Variants in DMD observed in about 807,000 individuals in gnomAD.
DMD encodes dystrophin, also known as mutant dystrophin.
DMD carries 63 observed loss-of-function variants against 330.1 expected under a neutral mutation model. The ratio of observed to expected loss-of-function variants is 0.19; its 90% confidence interval spans 0.16 to 0.24. DMD has a LOEUF of 0.24. Among genes scored for constraint, DMD ranks in the 10% least tolerant of loss-of-function variants. DMD has a pLI of 1.00. For missense variants in DMD, 3,344 were observed against 2,684.1 expected (o/e 1.25, Z -5.43); for synonymous variants, 1,223 against 959.8 (o/e 1.27, Z -5.07).
chrX:33,044,357 G>A (rs887730861), intron 1 of DMD, among the ~76,000 whole-genome samples: 1 of 111,130 alleles, frequency 9.0e-6, no homozygotes. Context: ...ACTTGAACCC[G>A]GGAGGAGGAG....
chrX:31,219,895 T>A (rs1406692178), intron 64 of DMD, among the ~76,000 whole-genome samples: 1 of 108,405 alleles, frequency 9.2e-6, no homozygotes, highest in Non-Finnish European at 1.9e-5. Flanking sequence ...GACATTTCAG[T>A]CAACAATGGA....
intron 60 of DMD, among the ~76,000 whole-genome samples, chrX:31,437,672 T>C (rs2064633217): frequency 1.8e-5 from 2 of 110,465 alleles, no homozygotes; most frequent in Non-Finnish European, 3.8e-5. Flanking sequence ...GTTTGAATAA[T>C]CATAATAAAT....
Position 32,764,291 on chromosome X carries a change from A to G in DMD, c.649+45202T>C, listed in dbSNP as rs763750896. Among the ~76,000 whole-genome samples, 5 of 111,536 alleles carry G rather than the reference A, an allele frequency of 4.5e-5. No homozygotes were observed. In the South Asian group the frequency reaches 1.9e-3, roughly 41 times the overall value. On this transcript the variant is annotated intron_variant, in intron 7 of 78. Coordinates refer to ENST00000357033, the MANE Select transcript of DMD (RefSeq NM_004006.3). ...TTTACAAGAAAGCTTATAGGTTTTTATCATGGTAAAATATATATAACATAA... is the reference window on the plus strand; with the variant it reads ...TTTACAAGAAAGCTTATAGGTTTTTGTCATGGTAAAATATATATAACATAA...
At chrX:31,802,611 A>AC (rs2092120765) in intron 50 of DMD, among the ~76,000 whole-genome samples, 1 of 111,157 alleles carries the variant, frequency 9.0e-6, no homozygotes, top group Non-Finnish European at 1.9e-5. Context: ...TTTAAGAATG[A>AC]CCCCCAAGAT....
chrX:32,391,091 G>A (rs1191502082), intron 30 of DMD, among the ~76,000 whole-genome samples: 1 of 111,372 alleles, frequency 9.0e-6, no homozygotes, highest in Non-Finnish European at 1.9e-5. Flanking sequence ...TATAGGCAGG[G>A]ATCTCTGCAG....
intron 29 of DMD, among the ~76,000 whole-genome samples, chrX:32,420,857 T>G (rs1162911600): frequency 1.8e-5 from 2 of 111,638 alleles, no homozygotes; most frequent in Non-Finnish European, 3.8e-5. Flanking sequence ...CCTTGATAAC[T>G]AGAAATGGTG....
intron 1 of DMD, among the ~76,000 whole-genome samples, chrX:33,120,637 T>C (rs1238467231): frequency 3.6e-5 from 4 of 110,820 alleles, no homozygotes; most frequent in South Asian, 3.8e-4. Context: ...TCCCAGCACT[T>C]TGGGAGGCCG....
intron 1 of DMD, among the ~76,000 whole-genome samples, chrX:33,336,464 A>G (rs764706780): frequency 1.8e-5 from 2 of 110,644 alleles, no homozygotes; most frequent in East Asian, 5.7e-4. Context: ...CAGCTACTCT[A>G]GCTCATGTGG....
At chrX:33,038,162 C>T (rs567718636) in intron 1 of DMD, among the ~76,000 whole-genome samples, 114 of 111,826 alleles carry the variant, frequency 1.0e-3, no homozygotes, top group African/African-American at 3.4e-3. Context: ...TTCAATATCC[C>T]CATGGTTTGC....
rs1346073997 is a variant in DMD, at chrX:31,801,594, C to G, written c.7309+18381G>C. Among the ~76,000 whole-genome samples the G allele has an allele frequency of 1.3e-4, 9 of 68,033 alleles. No homozygotes were observed. In the East Asian group the frequency reaches 5.5e-3, roughly 42 times the overall value. The allele number at this position is 68,033 out of a possible 115,157, so 59.1% of individuals were successfully genotyped here. ...AAGTGTCCTCATCCCCCCCCCCCAA[C>G]ACACACACAATAGTAACTATTTCTT... On this transcript the variant is annotated intron_variant, in intron 50 of 78. Coordinates refer to ENST00000357033, the MANE Select transcript of DMD (RefSeq NM_004006.3).
At chrX:31,411,008 C>T (rs1250743363) in intron 60 of DMD, among the ~76,000 whole-genome samples, 1 of 106,374 alleles carries the variant, frequency 9.4e-6, no homozygotes, top group Non-Finnish European at 1.9e-5. Flanking sequence ...TCAAGTGATC[C>T]CCCTGCTTCG....
At chrX:32,485,866 C>G (rs977802881) in intron 20 of DMD, among the ~76,000 whole-genome samples, 6 of 105,326 alleles carry the variant, frequency 5.7e-5, no homozygotes, top group Non-Finnish European at 7.8e-5. Context: ...GCCTCAGCCT[C>G]CTGAGTAGCT....
chrX:31,553,553 T>C (rs1232153032), intron 55 of DMD, among the ~76,000 whole-genome samples: 1 of 112,562 alleles, frequency 8.9e-6, no homozygotes, highest in Non-Finnish European at 1.9e-5. Flanking sequence ...GAAAGACTTT[T>C]ACAGGCCATT....
intron 26 of DMD, among the ~76,000 whole-genome samples, chrX:32,451,419 G>C (rs1777631253): frequency 9.1e-6 from 1 of 110,270 alleles, no homozygotes; most frequent in Non-Finnish European, 1.9e-5. Flanking sequence ...AATAAAACCA[G>C]TTAATAACTT....
chrX:32,606,747 A>G (rs1429870833), intron 12 of DMD, among the ~76,000 whole-genome samples: 1 of 107,225 alleles, frequency 9.3e-6, no homozygotes, highest in African/African-American at 3.3e-5. Flanking sequence ...ATATATACAC[A>G]CACACATACA....
intron 1 of DMD, among the ~76,000 whole-genome samples, chrX:33,038,721 C>T (rs995061289): frequency 4.5e-5 from 5 of 112,159 alleles, no homozygotes; most frequent in East Asian, 2.8e-4. Flanking sequence ...TGGCTGGGCA[C>T]GGTGACTCAC....
intron 63 of DMD, 110 bp downstream of exon 63, chrX:31,260,845 G>A (rs1188743409): frequency 1.4e-6 from 1 of 715,771 alleles, no homozygotes; most frequent in Non-Finnish European, 2.1e-6. Context: ...TTTCACCCTT[G>A]AAACAATCTA....
In DMD at chrX:33,148,072, A is replaced by T. The variant is rs776477946; in HGVS notation, c.31+63210T>A. Among the ~76,000 whole-genome samples, 5 of 112,061 alleles carry T rather than the reference A, an allele frequency of 4.5e-5. No individual in the cohort carries two copies. In the East Asian group the frequency reaches 1.4e-3, roughly 31 times the overall value. ...AAATCCTTTATAGATATTCAGATGA[A>T]TCTCTCTACCAGAAATGAAGAAGGA... On this transcript the variant is annotated intron_variant, in intron 1 of 78. Transcript: ENST00000357033.
intron 7 of DMD, among the ~76,000 whole-genome samples, chrX:32,722,950 T>A (rs573796349): frequency 6.9e-4 from 76 of 110,892 alleles, no homozygotes; most frequent in South Asian, 1.5e-3. Flanking sequence ...CTGCTAGTAT[T>A]TTTGGTACTA....
Sources: allele counts gnomAD v4.1 joint callset (sites outside exome capture counted in the v4.1 genomes callset), GRCh38; gene constraint gnomAD v4.1.1; transcripts MANE v1.5; gene names NCBI Gene and HGNC (gene_info 2026-07-23, HGNC 2026-07-21).